Variants in MAN2A1 observed in about 807,000 individuals in gnomAD.
MAN2A1 encodes alpha-mannosidase 2.
MAN2A1 carries 76 observed loss-of-function variants against 142.6 expected under a neutral mutation model. The observed-to-expected ratio is 0.53, with a 90% CI of 0.44 to 0.65. The LOEUF (loss-of-function observed/expected upper bound fraction) is 0.65, where lower values mean the gene tolerates loss of function less well. Ranked by LOEUF, MAN2A1 falls within the 30% of genes least tolerant of loss-of-function variation. MAN2A1 has a pLI of 0.00. For missense variants in MAN2A1, 1,311 were observed against 1,365.1 expected, an observed-to-expected ratio of 0.96 and a Z score of 0.62; for synonymous variants, 559 against 473.2, an observed-to-expected ratio of 1.18 and a Z score of -2.35.
intron 4 of MAN2A1, among the ~76,000 whole-genome samples, chr5:109,753,915 CT>C (rs112976223): frequency 1.4e-3 from 200 of 144,090 alleles, no homozygotes; most frequent in Non-Finnish European, 1.4e-3. Context: ...TTTTCTTTTT[CT>C]TTTTTTTTTT....
chr5:109,777,659 A>C (rs918190074), intron 8 of MAN2A1, among the ~76,000 whole-genome samples: 1 of 152,046 alleles, frequency 6.6e-6, no homozygotes, highest in Non-Finnish European at 1.5e-5. Flanking sequence ...CTACATTCTT[A>C]TGAAGCTATC....
chr5:109,765,142 T>C (rs1040148571), intron 5 of MAN2A1, among the ~76,000 whole-genome samples: 1 of 152,198 alleles, frequency 6.6e-6, no homozygotes, highest in Non-Finnish European at 1.5e-5. Flanking sequence ...ATTTCAATAA[T>C]GTCTTTTATA....
chr5:109,804,096 G>A (rs1035073236), intron 12 of MAN2A1: 1 of 852,112 alleles, frequency 1.2e-6, no homozygotes, highest in African/African-American at 1.8e-5. Context: ...AAAGTGATGT[G>A]GCATATTTCA....
chr5:109,859,948 A>G (rs918843903), intron 20 of MAN2A1, among the ~76,000 whole-genome samples: 5 of 149,998 alleles, frequency 3.3e-5, no homozygotes, highest in African/African-American at 1.2e-4. Context: ...AACATGATAT[A>G]TATATATATC....
At chr5:109,760,003 A>G (rs912835001) in intron 5 of MAN2A1, among the ~76,000 whole-genome samples, 6 of 151,040 alleles carry the variant, frequency 4.0e-5, no homozygotes, top group African/African-American at 1.2e-4. Flanking sequence ...AGATAGATAG[A>G]TACTTTAAGT....
Position 109,767,660 on chromosome 5 carries a change from C to A in MAN2A1, c.961C>A (p.His321Asn). The A allele has an allele frequency of 6.2e-7, 1 of 1,613,534 alleles. No homozygotes were observed. Among genetic ancestry groups the A allele is most frequent in the South Asian group, 1.1e-5 (1 of 91,074 alleles). ...GAGAGTTCATTATGCAGTTAAAAAA[C>A]ACTTTGCACTGCATAAAACATTGGA... ...IQRVHYAVKK[H>N]FALHKTLEFF... Residue 321 changes from histidine (H) to asparagine (N), a missense_variant, in exon 6 of 22, where the codon CAC (histidine) becomes AAC (asparagine). His to Asn is a moderately conservative substitution (Grantham distance 68). Coordinates refer to ENST00000261483, the MANE Select transcript of MAN2A1 (RefSeq NM_002372.4).
Position 109,855,187 on chromosome 5 carries a change from A to G in MAN2A1, c.3024A>G (p.Ile1008Met), listed in dbSNP as rs781263844. 1 of 1,600,452 alleles carries G rather than the reference A, an allele frequency of 6.2e-7. No homozygotes were observed. Among genetic ancestry groups the G allele is most frequent in the Non-Finnish European group, 8.5e-7 (1 of 1,175,988 alleles). ...GTTATCCTTCTCTCCTTAGCCACAT[A>G]ACTTCTTCTCTCATGAATCATCCAG... ...SVSYPSLLSH[I>M]TSSLMNHPVI... Residue 1008 changes from isoleucine to methionine, a missense_variant, in exon 20 of 22, where the codon ATA becomes ATG. Coordinates refer to ENST00000261483, the MANE Select transcript of MAN2A1 (RefSeq NM_002372.4).
intron 4 of MAN2A1, among the ~76,000 whole-genome samples, chr5:109,748,303 A>G (rs1433626543): frequency 6.6e-6 from 1 of 151,970 alleles, no homozygotes; most frequent in Non-Finnish European, 1.5e-5. Flanking sequence ...GTGGCATCTT[A>G]ATGAAGTTTT....
intron 21 of MAN2A1, chr5:109,865,476 TATC>T (rs2112450450): frequency 6.9e-6 from 2 of 288,136 alleles, no homozygotes; most frequent in South Asian, 7.6e-5. Context: ...CATGCTCACA[TATC>T]ATCTAGTTCA....
intron 18 of MAN2A1, among the ~76,000 whole-genome samples, chr5:109,846,617 GT>G (rs1214744378): frequency 6.6e-6 from 1 of 152,086 alleles, no homozygotes; most frequent in Admixed American, 6.6e-5. Context: ...TTTTTAATTG[GT>G]TATCATACAT....
chr5:109,797,018 A>T (rs1753881908), intron 12 of MAN2A1, among the ~76,000 whole-genome samples: 1 of 152,186 alleles, frequency 6.6e-6, no homozygotes, highest in African/African-American at 2.4e-5. Flanking sequence ...TTGTCAAATA[A>T]ACTAACTACG....
At chr5:109,772,320 G>A (rs1753169531) in intron 7 of MAN2A1, among the ~76,000 whole-genome samples, 1 of 152,186 alleles carries the variant, frequency 6.6e-6, no homozygotes, top group Non-Finnish European at 1.5e-5. Flanking sequence ...AGTGAGCCGA[G>A]ATCTCTCCAC....
intron 4 of MAN2A1, among the ~76,000 whole-genome samples, chr5:109,742,567 A>T (rs1448300118): frequency 3.3e-5 from 5 of 152,312 alleles, no homozygotes; most frequent in African/African-American, 9.6e-5. Context: ...ATCCAAACTT[A>T]ACTAATGTGC....
chr5:109,719,547 G>A (rs1167262965), intron 3 of MAN2A1, among the ~76,000 whole-genome samples: 2 of 152,098 alleles, frequency 1.3e-5, no homozygotes. Context: ...AAATGAATGT[G>A]CAATTAGGCA....
chr5:109,784,226 A>C (rs1554078565), intron 9 of MAN2A1, among the ~76,000 whole-genome samples: 1 of 152,122 alleles, frequency 6.6e-6, no homozygotes, highest in Non-Finnish European at 1.5e-5. Flanking sequence ...AACTGAAACT[A>C]ACCCTTTCCC....
In MAN2A1 at chr5:109,867,205, T is replaced by G. The variant is rs139468425; in HGVS notation, c.*207T>G. 26 of 364,370 alleles carry G rather than the reference T, an allele frequency of 7.1e-5. No individual in the cohort carries two copies. The East Asian group carries it at 1.0e-3, about 15-fold the overall frequency. The allele number at this position is 364,370 out of a possible 1,614,324, so 22.6% of individuals were successfully genotyped here. A position where few individuals can be genotyped will look rare whatever the true frequency, so the allele number is the denominator to read the frequency against. Reference sequence around the variant, plus strand: ...CCATGCTATCAATCAAGATTCTTTTTTTTTAAACTTTCTCCCATGAACTAC... The same window carrying G: ...CCATGCTATCAATCAAGATTCTTTTGTTTTAAACTTTCTCCCATGAACTAC... On this transcript the variant is annotated 3_prime_UTR_variant, in exon 22 of 22. Transcript: ENST00000261483.
At chr5:109,742,062 A>G (rs189952422) in intron 4 of MAN2A1, among the ~76,000 whole-genome samples, 174 of 152,336 alleles carry the variant, frequency 1.1e-3, no homozygotes, top group Non-Finnish European at 2.0e-3. Context: ...TCAAAATGTG[A>G]ACCCTTATTG....
At chr5:109,774,483 C>T (rs1171147389) in intron 7 of MAN2A1, among the ~76,000 whole-genome samples, 1 of 151,702 alleles carries the variant, frequency 6.6e-6, no homozygotes, top group African/African-American at 2.4e-5. Context: ...CCTTGGTACC[C>T]CACTTATTAT....
At chr5:109,759,956 TATATATATAG>T (rs112579241) in intron 5 of MAN2A1, among the ~76,000 whole-genome samples, 10,305 of 122,038 alleles carry the variant, frequency 0.084, 381 homozygotes, top group Non-Finnish European at 0.098. Flanking sequence ...GCTATATATA[TATATATATAG>T]ATAGATAGAT....
Sources: gnomAD v4.1 joint callset for allele counts (sites outside exome capture counted in the v4.1 genomes callset) on GRCh38, gnomAD v4.1.1 for gene constraint, MANE v1.5 for transcripts, NCBI Gene and HGNC (gene_info 2026-07-23, HGNC 2026-07-21) for gene names.